The following RALGAPA1 variants were observed in gnomAD, a reference collection of about 807,000 sequenced individuals.
RALGAPA1 encodes the protein Ral GTPase activating protein catalytic subunit alpha 1, also known as ral GTPase-activating protein subunit alpha-1.
Under a neutral mutation model 269.6 loss-of-function variants are expected in RALGAPA1, and 52 were observed. That is an observed-to-expected ratio of 0.19 (90% confidence interval 0.15 to 0.24). The LOEUF (loss-of-function observed/expected upper bound fraction) is 0.24, where lower values mean the gene tolerates loss of function less well. Ranked by LOEUF, RALGAPA1 falls within the 10% of genes least tolerant of loss-of-function variation. The pLI is 1.00. For missense variants in RALGAPA1, 1,917 were observed against 3,013.9 expected (o/e 0.64, Z 8.52); for synonymous variants, 817 against 1,008.3 (o/e 0.81, Z 3.60).
chr14:35,588,669 C>T (rs2058458124), intron 37 of RALGAPA1, among the ~76,000 whole-genome samples: 1 of 152,114 alleles, frequency 6.6e-6, no homozygotes, highest in Non-Finnish European at 1.5e-5. Context: ...TAAATTAGTA[C>T]AGGCATTACG....
intron 13 of RALGAPA1, among the ~76,000 whole-genome samples, chr14:35,725,775 C>T (rs190591762): frequency 4.0e-5 from 6 of 151,306 alleles, no homozygotes; most frequent in Admixed American, 2.0e-4. Flanking sequence ...CTGAGGTGGG[C>T]GAATCACTTA....
At chr14:35,711,005 C>T (rs764590104) in intron 16 of RALGAPA1, among the ~76,000 whole-genome samples, 10 of 152,158 alleles carry the variant, frequency 6.6e-5, no homozygotes, top group Admixed American at 6.5e-5. Context: ...AGAATATATC[C>T]CCATTTGTTA....
chr14:35,803,811 A>T (rs1330463406), intron 1 of RALGAPA1, among the ~76,000 whole-genome samples: 1 of 151,842 alleles, frequency 6.6e-6, no homozygotes. Context: ...TTTAGTAGAG[A>T]TGGGGTTTCA....
At chr14:35,691,547 T>C (rs1274152644) in intron 17 of RALGAPA1, among the ~76,000 whole-genome samples, 7 of 152,184 alleles carry the variant, frequency 4.6e-5, no homozygotes, top group Admixed American at 3.9e-4. Context: ...CAGTGACTTG[T>C]CCAAGATTAC....
chr14:35,591,180 C>A (rs931203305), intron 37 of RALGAPA1, among the ~76,000 whole-genome samples: 2 of 152,144 alleles, frequency 1.3e-5, no homozygotes, highest in African/African-American at 2.4e-5. Flanking sequence ...TTCTATGATA[C>A]CCCTTACAGA....
intron 1 of RALGAPA1, among the ~76,000 whole-genome samples, chr14:35,791,594 C>A (rs1173607493): frequency 6.7e-6 from 1 of 149,078 alleles, no homozygotes; most frequent in Non-Finnish European, 1.5e-5. Context: ...GAGACAAGAG[C>A]GAAACTCTGT....
At position 35,570,654 on chromosome 14, in the gene RALGAPA1, G is replaced by A. The variant is rs775103274; in HGVS notation, c.7459C>T (p.Arg2487Cys). ...AATGGAATCAGAGATTTCAGAGCACGGCTTGCATTTATAGCTGTTGCTCTA... is the reference window on the plus strand; with the variant it reads ...AATGGAATCAGAGATTTCAGAGCACAGCTTGCATTTATAGCTGTTGCTCTA... ...MVRATAINAS[R>C]ALKSLIPLYQ... Residue 2487 changes from arginine (R) to cysteine (C), a missense_variant, in exon 39 of 42, where the codon CGT becomes TGT. Coordinates refer to ENST00000680220, the MANE Select transcript of RALGAPA1 (RefSeq NM_001346249.2). 5 of 1,609,270 alleles carry A rather than the reference G, an allele frequency of 3.1e-6. No homozygotes were observed. Among genetic ancestry groups the A allele is most frequent in the African/African-American group, 1.3e-5 (1 of 74,734 alleles).
At chr14:35,626,981 T>C (rs1397999738) in intron 34 of RALGAPA1, 109 bp downstream of exon 34, 11 of 1,121,404 alleles carry the variant, frequency 9.8e-6, no homozygotes, top group Non-Finnish European at 1.2e-5. Context: ...AAAGAACTAA[T>C]TGGTAGATAA....
In RALGAPA1 at chr14:35,711,268, C is replaced by T. The variant is rs140623139; in HGVS notation, c.2266+10420G>A. On this transcript the variant is annotated intron_variant, in intron 16 of 41. Transcript: ENST00000680220. ...AGTTAACACTGTACCACATTTGTTC[C>T]GGTTTTCTATTCAGTGCCTTTCTTT... Among the ~76,000 whole-genome samples the T allele has an allele frequency of 4.5e-3, 680 of 152,162 alleles. 4 individuals carry two copies. Among genetic ancestry groups the T allele is most frequent in the African/African-American group, 0.016 (655 of 41,514 alleles).
intron 37 of RALGAPA1, among the ~76,000 whole-genome samples, chr14:35,584,275 T>A (rs1186777513): frequency 6.6e-6 from 1 of 152,096 alleles, no homozygotes; most frequent in Non-Finnish European, 1.5e-5. Flanking sequence ...TAGAATAATT[T>A]TTTTTTTGAG....
Position 35,741,708 on chromosome 14 carries a change from TC to T in RALGAPA1, c.1449+659del, listed in dbSNP as rs2071571861. 1.3e-5 allele frequency among the ~76,000 whole-genome samples: 2 copies of T among 152,212 alleles called. 1 individual carries two copies. Among genetic ancestry groups the T allele is most frequent in the South Asian group, 4.1e-4 (2 of 4,828 alleles). On this transcript the variant is annotated intron_variant, in intron 11 of 41. Transcript: ENST00000680220. Reference sequence around the variant, plus strand: ...ATCACTTTCAATAAACTTTCTGCACTCCTAACTCCATCTTAGCATCTGCTGT... The same window carrying T: ...ATCACTTTCAATAAACTTTCTGCACTCTAACTCCATCTTAGCATCTGCTGT...
intron 35 of RALGAPA1, among the ~76,000 whole-genome samples, chr14:35,618,506 C>A (rs1220623058): frequency 6.6e-6 from 1 of 152,116 alleles, no homozygotes; most frequent in Non-Finnish European, 1.5e-5. Context: ...TAACTAATAT[C>A]TTCCTTAATG....
rs1411255655 is a variant in RALGAPA1, at chr14:35,808,782, T to C, written c.54A>G (p.Leu18=). 1.9e-6 allele frequency: 3 copies of C among 1,613,206 alleles called. No individual in the cohort carries two copies. Among genetic ancestry groups the C allele is most frequent in the Admixed American group, 1.7e-5 (1 of 59,904 alleles). The stretch of plus-strand genomic sequence containing the variant: ...GAGTCAGTGCGTCCTTCTTGGTGTC[T>C]AGCACCTTCTGGGTGGACTTCTTCA... ...GDVKKSTQKV[L]DTKKDALTRL... The change falls in exon 1 of 42, where the codon CTA becomes CTG. Residue 18 remains leucine (L), a synonymous_variant. Coordinates refer to ENST00000680220, the MANE Select transcript of RALGAPA1 (RefSeq NM_001346249.2).
Position 35,538,460 on chromosome 14 carries a change from A to G in RALGAPA1, c.*1254T>C, listed in dbSNP as rs997335996. On this transcript the variant is annotated 3_prime_UTR_variant, in exon 42 of 42. Transcript: ENST00000680220. ...CTACATGAATGATGATACATAATTTATATTTTACGGTTTGCCAGTATGATG... is the reference window on the plus strand; with the variant it reads ...CTACATGAATGATGATACATAATTTGTATTTTACGGTTTGCCAGTATGATG... The G allele has an allele frequency of 6.6e-6, 1 of 152,662 alleles. No individual in the cohort carries two copies. The highest frequency in any genetic ancestry group is 2.4e-5 in the African/African-American group (1 of 41,466). 9.5% of individuals were successfully genotyped at this position (152,662 alleles called of 1,614,324 possible). A position where few individuals can be genotyped will look rare whatever the true frequency, so the allele number is the denominator to read the frequency against.
At chr14:35,728,685 T>C (rs1285704553) in intron 12 of RALGAPA1, among the ~76,000 whole-genome samples, 175 bp from the exon 13 acceptor site, 1 of 151,898 alleles carries the variant, frequency 6.6e-6, no homozygotes, top group Admixed American at 6.6e-5. Context: ...ATAAAGTTAA[T>C]AGTAGGTACC....
intron 35 of RALGAPA1, among the ~76,000 whole-genome samples, chr14:35,606,528 T>C (rs926775284): frequency 1.3e-5 from 2 of 152,200 alleles, no homozygotes; most frequent in African/African-American, 2.4e-5. Context: ...TTTACAAATA[T>C]AAAACTGTAT....
chr14:35,647,949 A>AAATG (rs1455590719), intron 31 of RALGAPA1, among the ~76,000 whole-genome samples: 3 of 151,220 alleles, frequency 2.0e-5, no homozygotes, highest in Non-Finnish European at 4.4e-5. Flanking sequence ...CTCCGTCTCT[A>AAATG]AATAAATAAA....
rs140762817 is a variant in RALGAPA1 at position 35,732,585 on chromosome 14, C to T, written c.1588-4075G>A. Among the ~76,000 whole-genome samples the T allele has an allele frequency of 5.3e-4, 81 of 152,238 alleles. 1 individual carries two copies. The East Asian group carries it at 0.014, about 27-fold the overall frequency. ...ATTTCATGCAAATGGACACCAAAAG[C>T]GAACAGGGGTAGCAATTCTTGTATC... On this transcript the variant is annotated intron_variant, in intron 12 of 41. Coordinates refer to ENST00000680220, the MANE Select transcript of RALGAPA1 (RefSeq NM_001346249.2).
chr14:35,649,732 C>T (rs1409514099), intron 31 of RALGAPA1, among the ~76,000 whole-genome samples: 3 of 152,026 alleles, frequency 2.0e-5, no homozygotes, highest in Non-Finnish European at 4.4e-5. Context: ...TCTATTCTAC[C>T]TTGTATCTCA....
Sources: allele counts gnomAD v4.1 joint callset (sites outside exome capture counted in the v4.1 genomes callset), GRCh38; gene constraint gnomAD v4.1.1; transcripts MANE v1.5; gene names NCBI Gene and HGNC (gene_info 2026-07-23, HGNC 2026-07-21).